The following FAM111A variants were observed in gnomAD, a reference collection of about 807,000 sequenced individuals.
FAM111A encodes FAM111 trypsin like peptidase A, also known as serine protease FAM111A.
Under a neutral mutation model 3.3 loss-of-function variants are expected in FAM111A, and 8 were observed. The observed-to-expected ratio is 2.39, with a 90% CI of 1.40 to 4.32. FAM111A has a LOEUF of 4.32. Ranked by LOEUF, FAM111A falls within the 30% of genes most tolerant of loss-of-function variation. The probability of loss-of-function intolerance (pLI) is 0.00; values close to 1 mark genes in which losing one functional copy is unlikely to be tolerated. For synonymous variants in FAM111A, 227 were observed against 243.1 expected (o/e 0.93, Z 0.62); for missense variants, 683 against 727.6 (o/e 0.94, Z 0.71).
At chr11:59,149,245 A>AT (rs61083600) in intron 5 of FAM111A, 2,057 of 243,826 alleles carry the variant, frequency 8.4e-3, no homozygotes, top group South Asian at 0.014. Context: ...AGGCACACTC[A>AT]TTTTTTTTTT....
Position 59,153,052 on chromosome 11 carries a change from C to T in FAM111A, c.1384C>T (p.Pro462Ser). 1.9e-6 allele frequency: 3 copies of T among 1,614,124 alleles called. No individual in the cohort carries two copies. Among genetic ancestry groups the T allele is most frequent in the Non-Finnish European group, 2.5e-6 (3 of 1,180,016 alleles). ...VPMELYNGIT[P>S]VPLSGLIHII... ...TATGGAACTATATAATGGAATTACT[C>T]CTGTGCCACTTAGTGGGTTGATACA... Residue 462 changes from proline to serine, a missense_variant, in exon 6 of 6, where the codon CCT becomes TCT. Around this residue, in one of 3 missense-constraint regions of FAM111A, gnomAD observed 557 missense variants for 600.2 expected, o/e 0.93. Coordinates refer to ENST00000675163, the MANE Select transcript of FAM111A (RefSeq NM_001312909.2).
intron 4 of FAM111A, among the ~76,000 whole-genome samples, chr11:59,147,313 C>T (rs1861060563): frequency 6.6e-6 from 1 of 152,196 alleles, no homozygotes. Flanking sequence ...TGTCTTTGTC[C>T]TGATGTTCCA....
Position 59,153,012 on chromosome 11 carries a change from T to A in FAM111A, c.1344T>A (p.Asn448Lys), listed in dbSNP as rs1861904781. 6.2e-7 allele frequency: 1 copy of A among 1,614,084 alleles called. No homozygotes were observed. Among genetic ancestry groups the A allele is most frequent in the Non-Finnish European group, 8.5e-7 (1 of 1,180,016 alleles). ...ATGCTGTCCTGAAACTGAAGGAAAATGGACAACAAGTACCTATGGAACTAT... is the reference window on the plus strand; with the variant it reads ...ATGCTGTCCTGAAACTGAAGGAAAAAGGACAACAAGTACCTATGGAACTAT... ...LDYAVLKLKE[N>K]GQQVPMELYN... Residue 448 changes from asparagine to lysine, a missense_variant, in exon 6 of 6, where the codon AAT becomes AAA. Asn to Lys is a moderately conservative substitution (Grantham distance 94, BLOSUM62 0). This residue lies in a region of FAM111A where 557 missense variants were observed against 600.2 expected (regional missense o/e 0.93). Transcript: ENST00000675163.
At chr11:59,151,692 A>C in intron 5 of FAM111A, 58 bp from the exon 6 acceptor site, 1 of 1,319,014 alleles carries the variant, frequency 7.6e-7, no homozygotes, top group Non-Finnish European at 1.0e-6. Context: ...ACCTGAAAAG[A>C]GAAACAAAAG....
Position 59,153,400 on chromosome 11 carries a change from A to G in FAM111A, c.1732A>G (p.Met578Val), listed in dbSNP as rs1381140235. 2 of 1,614,038 alleles carry G rather than the reference A, an allele frequency of 1.2e-6. No homozygotes were observed. Among genetic ancestry groups the G allele is most frequent in the East Asian group, 2.2e-5 (1 of 44,904 alleles). ...TRSIIEFGST[M>V]ESILLDIKQR... is the part of the protein sequence containing the mutation. ...TAGTATCATTGAGTTTGGCTCTACC[A>G]TGGAATCCATCCTCCTTGATATTAA... Residue 578 changes from methionine (M) to valine (V), a missense_variant, in exon 6 of 6, where the codon ATG (methionine) becomes GTG (valine). This residue lies in a region of FAM111A where 122 missense variants were observed against 110.9 expected (regional missense o/e 1.10). Transcript: ENST00000675163.
chr11:59,150,017 G>A (rs533250630), intron 5 of FAM111A, among the ~76,000 whole-genome samples: 1 of 152,078 alleles, frequency 6.6e-6, no homozygotes, highest in South Asian at 2.1e-4. Flanking sequence ...TCCTGGTTCT[G>A]GAAAACTAGA....
rs1243354908 is a variant in FAM111A at position 59,154,262 on chromosome 11, C to CAA, written c.*758_*759insAA. 10 of 152,220 alleles carry CAA rather than the reference C, an allele frequency of 6.6e-5. No individual in the cohort carries two copies. The East Asian group carries it at 1.9e-3, about 29-fold the overall frequency. 9.4% of individuals were successfully genotyped at this position (152,220 alleles called of 1,614,324 possible). On this transcript the variant is annotated 3_prime_UTR_variant, in exon 6 of 6. Coordinates refer to ENST00000675163, the MANE Select transcript of FAM111A (RefSeq NM_001312909.2). ...GCAAAAGTTGGGGCTGCAATTAATG[C>CAA]TAACATAAGAGCTAAATGCTTGATT... is the stretch of plus-strand genomic sequence containing the variant.
chr11:59,154,212 A>G lies in FAM111A; in HGVS notation c.*708A>G, dbSNP rs1177515624. ...TCTGACATAAGGAAAGTAAGTGCTC[A>G]GAAAAATGTGCAGGTCAATAAGTTG... On this transcript the variant is annotated 3_prime_UTR_variant, in exon 6 of 6. Coordinates refer to ENST00000675163, the MANE Select transcript of FAM111A (RefSeq NM_001312909.2). 1.3e-5 allele frequency: 2 copies of G among 152,212 alleles called. No homozygotes were observed. The highest frequency in any genetic ancestry group is 4.8e-5 in the African/African-American group (2 of 41,458). 9.4% of individuals were successfully genotyped at this position (152,212 alleles called of 1,614,324 possible).
intron 4 of FAM111A, 146 bp from the exon 5 acceptor site, chr11:59,148,651 G>A: frequency 4.1e-6 from 2 of 491,252 alleles, no homozygotes; most frequent in Non-Finnish European, 7.3e-6. Context: ...CGAAAAGAGA[G>A]CTTTTATTGT....
chr11:59,150,351 A>G (rs1361937562), intron 5 of FAM111A, among the ~76,000 whole-genome samples: 1 of 152,158 alleles, frequency 6.6e-6, no homozygotes. Context: ...AACAAATGTT[A>G]ACATATTATG....
Position 59,152,041 on chromosome 11 carries a change from G to C in FAM111A, c.373G>C (p.Glu125Gln), listed in dbSNP as rs766147048. ...AGAGATAGAAACTCACCAAGGCCAA[G>C]AAATGCTTGTGCGTGGCACAGAAGG... ...RKEIETHQGQ[E>Q]MLVRGTEGIK... The change falls in exon 6 of 6, where the codon GAA (glutamate) becomes CAA (glutamine). Residue 125 changes from glutamate (E) to glutamine (Q), a missense_variant. Transcript: ENST00000675163. The C allele has an allele frequency of 6.2e-7, 1 of 1,614,174 alleles. No individual in the cohort carries two copies. The highest frequency in any genetic ancestry group is 1.1e-5 in the South Asian group (1 of 91,090).
rs1304678249 is a variant in FAM111A, at chr11:59,148,959, T to C, written c.81+6T>C. Reference sequence around the variant, plus strand: ...TCGAGCACTATTTTTCTCCGGTATGTCTGTAAATTCTACTTATGTAATCTA... The same window carrying C: ...TCGAGCACTATTTTTCTCCGGTATGCCTGTAAATTCTACTTATGTAATCTA... On this transcript the variant is annotated splice_donor_region_variant and intron_variant, in intron 5 of 5. Coordinates refer to ENST00000675163, the MANE Select transcript of FAM111A (RefSeq NM_001312909.2). 6.3e-7 allele frequency: 1 copy of C among 1,595,380 alleles called. No homozygotes were observed. The highest frequency in any genetic ancestry group is 1.3e-5 in the African/African-American group (1 of 74,522).
At chr11:59,143,847 T>C (rs1160938505) in intron 3 of FAM111A, 152 bp downstream of exon 3, 1 of 152,240 alleles carries the variant, frequency 6.6e-6, no homozygotes, top group Non-Finnish European at 1.5e-5. Flanking sequence ...AATATCTTTA[T>C]TGCTTAATCC....
intron 2 of FAM111A, 94 bp downstream of exon 2, chr11:59,143,398 T>C (rs939709652): frequency 3.9e-5 from 6 of 152,184 alleles, no homozygotes; most frequent in African/African-American, 1.4e-4. Context: ...AAATAAAATC[T>C]GCACTCCTGC....
At chr11:59,146,173 C>T (rs370508832) in intron 4 of FAM111A, among the ~76,000 whole-genome samples, 2 of 151,708 alleles carry the variant, frequency 1.3e-5, no homozygotes, top group South Asian at 2.1e-4. Flanking sequence ...CAACCTCTGC[C>T]TCCCAGGTAC....
chr11:59,152,284 A>C lies in FAM111A; in HGVS notation c.616A>C (p.Lys206Gln), dbSNP rs183000791. 5 of 1,614,102 alleles carry C rather than the reference A, an allele frequency of 3.1e-6. No homozygotes were observed. In the African/African-American group the frequency reaches 5.3e-5, roughly 17 times the overall value. The change falls in exon 6 of 6, where the codon AAA becomes CAA. Residue 206 changes from lysine to glutamine, a missense_variant. This residue lies in a region of FAM111A where 557 missense variants were observed against 600.2 expected (regional missense o/e 0.93). Transcript: ENST00000675163. ...RRIVKCGKLH[K>Q]KGRKLCVYAF... ...GATTGTTAAATGTGGGAAGCTTCAC[A>C]AAAAGGGGCGCAAACTCTGTGTTTA...
rs202022035 is a variant in FAM111A at position 59,151,846 on chromosome 11, T to C, written c.178T>C (p.Phe60Leu). ...RATTNTQAQR[F>L]HSPKKNPEDQ... The stretch of plus-strand genomic sequence containing the variant: ...CACAACTAATACCCAGGCTCAAAGA[T>C]TCCATTCACCTAAGAAAAATCCAGA... Residue 60 changes from phenylalanine to leucine, a missense_variant, in exon 6 of 6, where the codon TTC becomes CTC. Transcript: ENST00000675163. The C allele has an allele frequency of 6.2e-7, 1 of 1,614,104 alleles. No individual in the cohort carries two copies. The highest frequency in any genetic ancestry group is 8.5e-7 in the Non-Finnish European group (1 of 1,179,994).
rs1297866441 is a variant in FAM111A, at chr11:59,153,914, C to T, written c.*410C>T. On this transcript the variant is annotated 3_prime_UTR_variant, in exon 6 of 6. Coordinates refer to ENST00000675163, the MANE Select transcript of FAM111A (RefSeq NM_001312909.2). Reference sequence around the variant, plus strand: ...ATTTTTAGTAGAGACAGGGTTTCACCATGTTGGTCAGGCGGGTCTCGAACT... The same window carrying T: ...ATTTTTAGTAGAGACAGGGTTTCACTATGTTGGTCAGGCGGGTCTCGAACT... The T allele has an allele frequency of 1.3e-5, 2 of 152,106 alleles. No homozygotes were observed. Among genetic ancestry groups the T allele is most frequent in the Admixed American group, 1.3e-4 (2 of 15,224 alleles). The allele number at this position is 152,106 out of a possible 1,614,324, so 9.4% of individuals were successfully genotyped here. A position where few individuals can be genotyped will look rare whatever the true frequency, so the allele number is the denominator to read the frequency against.
chr11:59,148,581 A>G (rs1861238454), intron 4 of FAM111A: 2 of 328,322 alleles, frequency 6.1e-6, no homozygotes, highest in Admixed American at 4.6e-5. Flanking sequence ...TTGCAGCTAG[A>G]GATAATTTTC....
Sources: gnomAD v4.1 joint callset for allele counts (sites outside exome capture counted in the v4.1 genomes callset) on GRCh38, gnomAD v4.1.1 for gene constraint, gnomAD v4.1.1 regional missense constraint, MANE v1.5 for transcripts, NCBI Gene and HGNC (gene_info 2026-07-23, HGNC 2026-07-21) for gene names.